EPB41L4A: variants seen among roughly 807,000 people sequenced by gnomAD.
EPB41L4A encodes the protein band 4.1-like protein 4A.
Under a neutral mutation model 108.6 loss-of-function variants are expected in EPB41L4A, and 100 were observed. The observed-to-expected ratio is 0.92, with a 90% confidence interval of 0.78 to 1.09. The LOEUF (loss-of-function observed/expected upper bound fraction) is 1.09, where lower values mean the gene tolerates loss of function less well. EPB41L4A is among the 50% of genes least tolerant of loss of function. EPB41L4A has a pLI of 0.00. For missense variants in EPB41L4A, 1,030 were observed against 842.7 expected, an observed-to-expected ratio of 1.22 and a Z score of -2.75; for synonymous variants, 319 against 289.0, an observed-to-expected ratio of 1.10 and a Z score of -1.05.
At chr5:112,309,324 T>A (rs551013265) in intron 1 of EPB41L4A, among the ~76,000 whole-genome samples, 1 of 152,336 alleles carries the variant, frequency 6.6e-6, no homozygotes. Flanking sequence ...TCTTTCTTTT[T>A]CAAAACTATC....
At chr5:112,270,878 C>T (rs553285781) in intron 4 of EPB41L4A, among the ~76,000 whole-genome samples, 1 of 152,308 alleles carries the variant, frequency 6.6e-6, no homozygotes, top group South Asian at 2.1e-4. Flanking sequence ...AGAAAAAAAT[C>T]GAACACCTGT....
intron 18 of EPB41L4A, among the ~76,000 whole-genome samples, chr5:112,182,054 C>CA (rs1761184028): frequency 6.8e-6 from 1 of 147,150 alleles, no homozygotes; most frequent in Non-Finnish European, 1.5e-5. Context: ...GCCTGGGTGA[C>CA]AGAGAAAAAA....
intron 1 of EPB41L4A, among the ~76,000 whole-genome samples, chr5:112,362,379 C>T (rs441345): frequency 0.43 from 65,023 of 150,958 alleles, 15,086 homozygotes; most frequent in South Asian, 0.57. Flanking sequence ...CTCCCACATT[C>T]GAGCGATTCT....
At chr5:112,371,428 A>G (rs757306967) in intron 1 of EPB41L4A, among the ~76,000 whole-genome samples, 5 of 152,190 alleles carry the variant, frequency 3.3e-5, no homozygotes, top group South Asian at 4.1e-4. Flanking sequence ...AGCACCAAAA[A>G]TCTAAAGCTG....
intron 1 of EPB41L4A, among the ~76,000 whole-genome samples, chr5:112,396,855 G>A (rs1413199991): frequency 6.6e-6 from 1 of 152,210 alleles, no homozygotes; most frequent in Non-Finnish European, 1.5e-5. Flanking sequence ...GAAAGGAGAA[G>A]TATCAAGAAA....
Position 112,204,411 on chromosome 5 carries a change from C to T in EPB41L4A, c.1340G>A (p.Gly447Glu). Residue 447 changes from glycine to glutamate, a missense_variant, in exon 15 of 23, where the codon GGA becomes GAA. Coordinates refer to ENST00000261486, the MANE Select transcript of EPB41L4A (RefSeq NM_022140.5). ...AGGCTGTACAGAATCATTGTCACTT[C>T]CACAGGAGGGGTTTCGGCGACGCGT... ...PYTRRRNPSCGSDNDSVQPVR... is the reference protein window; with the variant it reads ...PYTRRRNPSCESDNDSVQPVR... The T allele has an allele frequency of 6.2e-7, 1 of 1,613,856 alleles. No homozygotes were observed. The highest frequency in any genetic ancestry group is 1.1e-5 in the South Asian group (1 of 91,070).
chr5:112,192,022 A>G (rs559943487), intron 17 of EPB41L4A: 3 of 152,324 alleles, frequency 2.0e-5, no homozygotes, highest in South Asian at 2.1e-4. Context: ...GCTGTAGTAA[A>G]AGCACAAAGG....
intron 1 of EPB41L4A, among the ~76,000 whole-genome samples, chr5:112,388,193 AC>A: frequency 6.6e-6 from 1 of 152,370 alleles, no homozygotes; most frequent in East Asian, 1.9e-4. Context: ...TCACAAAAAT[AC>A]GCTTATCTCC....
At chr5:112,307,676 T>C (rs954559370) in intron 1 of EPB41L4A, among the ~76,000 whole-genome samples, 186 bp from the exon 2 acceptor site, 6 of 152,206 alleles carry the variant, frequency 3.9e-5, no homozygotes, top group African/African-American at 1.2e-4. Flanking sequence ...AAATGTATTA[T>C]AGAAATTGCT....
chr5:112,211,053 T>C (rs1413160377), intron 12 of EPB41L4A, among the ~76,000 whole-genome samples: 1 of 152,196 alleles, frequency 6.6e-6, no homozygotes, highest in Non-Finnish European at 1.5e-5. Context: ...TATTTACTCA[T>C]GTATCCTCAA....
In EPB41L4A at chr5:112,234,715, G is replaced by C; in HGVS notation, c.1006C>G (p.Gln336Glu). Residue 336 changes from glutamine to glutamate, a missense_variant, in exon 12 of 23, where the codon CAG becomes GAG. By Grantham distance (29) the Gln-to-Glu change is conservative. Coordinates refer to ENST00000261486, the MANE Select transcript of EPB41L4A (RefSeq NM_022140.5). ...ACATTCTGATCAGGCCGGGGAAGCT[G>C]AATAGAAAGATCTCGGCTCATTTGC... ...ALQMSRDLSI[Q>E]LPRPDQNVTR... The C allele has an allele frequency of 6.2e-7, 1 of 1,613,096 alleles. No homozygotes were observed. The highest frequency in any genetic ancestry group is 1.3e-5 in the African/African-American group (1 of 75,036).
rs538763291 is a variant in EPB41L4A, at chr5:112,246,438, T to C, written c.796-5628A>G. On this transcript the variant is annotated intron_variant, in intron 9 of 22. Transcript: ENST00000261486. ...AGGCTATACTGTATAGCCTAGGTAT[T>C]GTGAAAGGAAATTAAATTTGGGGAC... is the stretch of plus-strand genomic sequence containing the variant. 1.8e-4 allele frequency among the ~76,000 whole-genome samples: 28 copies of C among 152,264 alleles called. No individual in the cohort carries two copies. In the East Asian group the frequency reaches 5.4e-3, roughly 29 times the overall value.
At chr5:112,297,882 C>T (rs1394992302) in intron 2 of EPB41L4A, among the ~76,000 whole-genome samples, 1 of 151,974 alleles carries the variant, frequency 6.6e-6, no homozygotes, top group African/African-American at 2.4e-5. Flanking sequence ...CCAATTATCC[C>T]AGCACCATTT....
chr5:112,182,713 C>G (rs1252193409), intron 18 of EPB41L4A, among the ~76,000 whole-genome samples: 1 of 152,048 alleles, frequency 6.6e-6, no homozygotes, highest in African/African-American at 2.4e-5. Context: ...CGTGACTACG[C>G]TGTATCTAAT....
At chr5:112,341,048 C>G (rs1391503553) in intron 1 of EPB41L4A, among the ~76,000 whole-genome samples, 1 of 152,126 alleles carries the variant, frequency 6.6e-6, no homozygotes, top group African/African-American at 2.4e-5. Context: ...TAATAGCAAT[C>G]CTCCCCACAC....
At chr5:112,307,095 C>CA (rs567655180) in intron 2 of EPB41L4A, among the ~76,000 whole-genome samples, 65 of 152,222 alleles carry the variant, frequency 4.3e-4, no homozygotes, top group Non-Finnish European at 7.8e-4. Flanking sequence ...TTCAGTCCTC[C>CA]ATGTTCACTC....
intron 2 of EPB41L4A, among the ~76,000 whole-genome samples, chr5:112,286,751 T>C (rs573168618): frequency 1.3e-5 from 2 of 152,164 alleles, no homozygotes; most frequent in East Asian, 1.9e-4. Flanking sequence ...TTTGACAGAA[T>C]CATTGTTGGA....
chr5:112,173,563 T>G (rs1397424591), intron 18 of EPB41L4A: 2 of 152,038 alleles, frequency 1.3e-5, no homozygotes, highest in East Asian at 1.9e-4. Flanking sequence ...TTCATGTTTT[T>G]TTTTTTAAAT....
intron 2 of EPB41L4A, among the ~76,000 whole-genome samples, chr5:112,300,696 C>T (rs764887527): frequency 3.9e-5 from 6 of 152,126 alleles, no homozygotes; most frequent in Non-Finnish European, 5.9e-5. Context: ...AGGTCTTTAG[C>T]AAGGCTGGGG....
Sources: gnomAD v4.1 joint callset for allele counts (sites outside exome capture counted in the v4.1 genomes callset) on GRCh38, gnomAD v4.1.1 for gene constraint, MANE v1.5 for transcripts, NCBI Gene and HGNC (gene_info 2026-07-23, HGNC 2026-07-21) for gene names.